The following FNDC3B variants were observed in gnomAD, a reference collection of about 807,000 sequenced individuals.
The protein encoded by FNDC3B is fibronectin type III domain-containing protein 3B.
A neutral mutation model predicts 151.5 loss-of-function variants in FNDC3B; 12 were observed. The observed-to-expected ratio is 0.08, with a 90% CI of 0.05 to 0.13. The LOEUF (loss-of-function observed/expected upper bound fraction) is 0.13, where lower values mean the gene tolerates loss of function less well. Among genes scored for constraint, FNDC3B ranks in the 10% least tolerant of loss-of-function variants. The pLI is 1.00. For synonymous variants in FNDC3B, 528 were observed against 549.0 expected, an observed-to-expected ratio of 0.96 and a Z score of 0.54; for missense variants, 1,214 against 1,505.3, an observed-to-expected ratio of 0.81 and a Z score of 3.20.
intron 6 of FNDC3B, among the ~76,000 whole-genome samples, chr3:172,257,567 CAT>C (rs1485985980): frequency 6.1e-5 from 6 of 98,748 alleles, no homozygotes; most frequent in Non-Finnish European, 9.6e-5. Flanking sequence ...CACACGCATT[CAT>C]ACACACACAC....
intron 21 of FNDC3B, among the ~76,000 whole-genome samples, chr3:172,348,268 A>G (rs1271138603): frequency 1.3e-5 from 2 of 152,186 alleles, no homozygotes; most frequent in Non-Finnish European, 2.9e-5. Context: ...AGTACACCCA[A>G]TGTCTCTGGT....
In FNDC3B at chr3:172,366,551, T is replaced by C. The variant is rs549770672; in HGVS notation, c.3008+3706T>C. Among the ~76,000 whole-genome samples the C allele has an allele frequency of 3.3e-5, 5 of 152,300 alleles. No individual in the cohort carries two copies. The East Asian group carries it at 9.6e-4, about 29-fold the overall frequency. ...AATTATTGGAGTTTTATATGTCAAATAGAGGCACTGCTTCAGTATTAGATG... is the reference window on the plus strand; with the variant it reads ...AATTATTGGAGTTTTATATGTCAAACAGAGGCACTGCTTCAGTATTAGATG... On this transcript the variant is annotated intron_variant, in intron 23 of 25. Transcript: ENST00000415807.
chr3:172,175,721 C>T (rs1429084741), intron 3 of FNDC3B, among the ~76,000 whole-genome samples: 1 of 152,110 alleles, frequency 6.6e-6, no homozygotes, highest in Non-Finnish European at 1.5e-5. Context: ...AAATCTAAAG[C>T]CGATATGTAA....
At chr3:172,205,834 T>C (rs1426701266) in intron 3 of FNDC3B, among the ~76,000 whole-genome samples, 3 of 152,194 alleles carry the variant, frequency 2.0e-5, no homozygotes, top group African/African-American at 7.2e-5. Flanking sequence ...ATTTAATTAA[T>C]TCCTGGTTAT....
intron 1 of FNDC3B, among the ~76,000 whole-genome samples, chr3:172,042,943 C>T (rs1716164265): frequency 6.6e-6 from 1 of 150,872 alleles, no homozygotes; most frequent in African/African-American, 2.4e-5. Flanking sequence ...GAGATGGATT[C>T]TCGCTCTGTA....
At chr3:172,384,196 T>G in intron 25 of FNDC3B, among the ~76,000 whole-genome samples, 2 of 152,336 alleles carry the variant, frequency 1.3e-5, no homozygotes, top group East Asian at 3.9e-4. Flanking sequence ...GATAAAAGAT[T>G]TAATTGTTTT....
intron 25 of FNDC3B, among the ~76,000 whole-genome samples, chr3:172,391,603 A>G (rs981967979): frequency 2.6e-5 from 4 of 152,258 alleles, no homozygotes; most frequent in Admixed American, 2.6e-4. Flanking sequence ...AAATATTTCA[A>G]TAGGTGTCAC....
Position 172,347,375 on chromosome 3 carries a change from A to G in FNDC3B, c.2514+14A>G, listed in dbSNP as rs1175900336. 1.2e-6 allele frequency: 2 copies of G among 1,603,348 alleles called. No homozygotes were observed. The highest frequency in any genetic ancestry group is 1.7e-6 in the Non-Finnish European group (2 of 1,173,998). On this transcript the variant is annotated intron_variant, in intron 21 of 25. Transcript: ENST00000415807. ...TGTAGACTACAGGTAGGTTGACATT[A>G]TTCAGATGTTACTCACAAGGACTGC...
chr3:172,266,556 T>G (rs1031669065), intron 6 of FNDC3B, among the ~76,000 whole-genome samples: 5 of 152,328 alleles, frequency 3.3e-5, no homozygotes, highest in African/African-American at 1.2e-4. Flanking sequence ...ACATCATTGT[T>G]GCCCAGGTGA....
At chr3:172,248,035 G>A (rs1576836975) in intron 5 of FNDC3B, among the ~76,000 whole-genome samples, 1 of 152,120 alleles carries the variant, frequency 6.6e-6, no homozygotes, top group Admixed American at 6.5e-5. Flanking sequence ...CAAGGAGTAA[G>A]GTAGCCACCT....
intron 1 of FNDC3B, among the ~76,000 whole-genome samples, chr3:172,054,336 G>A (rs927874606): frequency 1.3e-5 from 2 of 152,156 alleles, no homozygotes; most frequent in Admixed American, 6.5e-5. Context: ...TTTCCCAGAC[G>A]GCCCAGGCTA....
intron 3 of FNDC3B, among the ~76,000 whole-genome samples, chr3:172,146,476 T>TAG (rs1475297937): frequency 6.6e-6 from 1 of 152,106 alleles, no homozygotes; most frequent in African/African-American, 2.4e-5. Flanking sequence ...TGTCAGATTG[T>TAG]AGGGGAATTG....
chr3:172,152,953 C>G (rs1462376094), intron 3 of FNDC3B, among the ~76,000 whole-genome samples: 1 of 152,152 alleles, frequency 6.6e-6, no homozygotes, highest in East Asian at 1.9e-4. Context: ...ATGATGACAT[C>G]TGGCATGGCT....
At chr3:172,177,932 T>C (rs897156378) in intron 3 of FNDC3B, among the ~76,000 whole-genome samples, 1 of 152,116 alleles carries the variant, frequency 6.6e-6, no homozygotes. Context: ...CTCCCACTTA[T>C]GAGTGAGAAC....
At chr3:172,351,016 A>G (rs986503815) in intron 21 of FNDC3B, among the ~76,000 whole-genome samples, 3 of 152,248 alleles carry the variant, frequency 2.0e-5, no homozygotes, top group African/African-American at 7.2e-5. Context: ...GATAACATTT[A>G]TTGAACACAT....
At chr3:172,157,590 A>T (rs1722558100) in intron 3 of FNDC3B, among the ~76,000 whole-genome samples, 1 of 152,156 alleles carries the variant, frequency 6.6e-6, no homozygotes, top group Non-Finnish European at 1.5e-5. Flanking sequence ...GTAACCACCC[A>T]TCTGTTCTCC....
chr3:172,131,658 G>A (rs1721108792), intron 2 of FNDC3B, among the ~76,000 whole-genome samples: 1 of 152,118 alleles, frequency 6.6e-6, no homozygotes, highest in African/African-American at 2.4e-5. Flanking sequence ...TGTATTTTCT[G>A]ATTTAAAAAA....
chr3:172,092,316 G>A (rs1210079070), intron 1 of FNDC3B, among the ~76,000 whole-genome samples: 8 of 152,148 alleles, frequency 5.3e-5, no homozygotes, highest in African/African-American at 1.7e-4. Flanking sequence ...CTGAGCCCCT[G>A]TCATATGCTG....
At chr3:172,046,570 G>A (rs1003426698) in intron 1 of FNDC3B, among the ~76,000 whole-genome samples, 1 of 151,634 alleles carries the variant, frequency 6.6e-6, no homozygotes, top group East Asian at 1.9e-4. Flanking sequence ...CAATCCCCCC[G>A]CTTCAGCCTC....
Sources: gnomAD v4.1 joint callset for allele counts (sites outside exome capture counted in the v4.1 genomes callset) on GRCh38, gnomAD v4.1.1 for gene constraint, MANE v1.5 for transcripts, NCBI Gene and HGNC (gene_info 2026-07-23, HGNC 2026-07-21) for gene names.